DIS3L2: variants seen among roughly 807,000 people sequenced by gnomAD.
DIS3L2 encodes DIS3 like 3'-5' exoribonuclease 2.
In DIS3L2, 34 loss-of-function variants were observed where a neutral mutation model predicts 97.5. The ratio of observed to expected loss-of-function variants is 0.35; its 90% confidence interval spans 0.27 to 0.46. DIS3L2 has a LOEUF of 0.46. Ranked by LOEUF, DIS3L2 falls within the 20% of genes least tolerant of loss-of-function variation. DIS3L2 has a pLI of 1.00. For synonymous variants in DIS3L2, 435 were observed against 445.2 expected (o/e 0.98, Z 0.29); for missense variants, 1,038 against 1,146.0 (o/e 0.91, Z 1.36).
intron 14 of DIS3L2, 66 bp from the exon 15 acceptor site, chr2:232,329,747 G>A (rs948705191): frequency 2.6e-5 from 37 of 1,398,010 alleles, no homozygotes; most frequent in Admixed American, 1.2e-4. Flanking sequence ...CGGCTGCAGC[G>A]TGGGAAAGCC....
chr2:232,339,573 C>A (rs560014016), downstream of DIS3L2: 4 of 382,306 alleles, frequency 1.0e-5, no homozygotes, highest in African/African-American at 8.3e-5. Flanking sequence ...CACATGCAGC[C>A]GAAGTGACAG....
chr2:232,030,007 G>T lies in DIS3L2; in HGVS notation c.293G>T (p.Gly98Val). 6.2e-7 allele frequency: 1 copy of T among 1,606,006 alleles called. No individual in the cohort carries two copies. The highest frequency in any genetic ancestry group is 2.3e-5 in the East Asian group (1 of 44,194). Residue 98 changes from glycine to valine, a missense_variant, in exon 5 of 21, where the codon GGG becomes GTG. By Grantham distance (109) the Gly-to-Val change is moderately radical. Around this residue, in one of 3 missense-constraint regions of DIS3L2, gnomAD observed 813 missense variants for 880.1 expected, o/e 0.92. Coordinates refer to ENST00000325385, the MANE Select transcript of DIS3L2 (RefSeq NM_152383.5). ...GGTGATCGAGACATTTTTATTGATGGGGTTGTTGCTCGTAATAGAGCCTTA... is the reference window on the plus strand; with the variant it reads ...GGTGATCGAGACATTTTTATTGATGTGGTTGTTGCTCGTAATAGAGCCTTA... Reference protein sequence around the residue: ...PDGDRDIFIDGVVARNRALNG... With the variant: ...PDGDRDIFIDVVVARNRALNG...
chr2:231,974,350 A>G (rs143500839), intron 1 of DIS3L2, among the ~76,000 whole-genome samples: 1 of 152,244 alleles, frequency 6.6e-6, no homozygotes, highest in East Asian at 1.9e-4. Flanking sequence ...TGGCTGGAAT[A>G]GCCTCAAGGT....
At chr2:232,312,890 A>C (rs1209066197) in intron 14 of DIS3L2, among the ~76,000 whole-genome samples, 1 of 152,244 alleles carries the variant, frequency 6.6e-6, no homozygotes, top group Non-Finnish European at 1.5e-5. Flanking sequence ...TTGCTAATAC[A>C]AGGAAACATG....
At chr2:232,305,021 A>G (rs1275284450) in intron 14 of DIS3L2, among the ~76,000 whole-genome samples, 1 of 152,112 alleles carries the variant, frequency 6.6e-6, no homozygotes, top group Non-Finnish European at 1.5e-5. Flanking sequence ...TCCTTGTAGC[A>G]GTTTACTATC....
At chr2:232,016,934 C>T (rs1260434448) in intron 3 of DIS3L2, among the ~76,000 whole-genome samples, 1 of 145,848 alleles carries the variant, frequency 6.9e-6, no homozygotes, top group African/African-American at 2.5e-5. Flanking sequence ...CCCTCCCTCC[C>T]TCCCTCCCTT....
chr2:232,334,171 A>T (rs909400710), intron 17 of DIS3L2, among the ~76,000 whole-genome samples, 184 bp downstream of exon 17: 1 of 152,164 alleles, frequency 6.6e-6, no homozygotes, highest in African/African-American at 2.4e-5. Flanking sequence ...CAGAAGCTGC[A>T]TGGAGCCCAC....
chr2:232,334,527 C>T (rs370456133), intron 18 of DIS3L2, 28 bp downstream of exon 18: 1 of 1,612,464 alleles, frequency 6.2e-7, no homozygotes, highest in Non-Finnish European at 8.5e-7. Context: ...GTGCCCCTCA[C>T]CTCCCTCTGG....
Position 232,296,528 on chromosome 2 carries a change from T to C in DIS3L2, c.1660-3512T>C, listed in dbSNP as rs529782399. On this transcript the variant is annotated intron_variant, in intron 13 of 20. Transcript: ENST00000325385. Reference sequence around the variant, plus strand: ...GTGGGAGGGACCCAGTGGGAAGTAATTGAATTATGGGGGTGGGCTTTCCCT... The same window carrying C: ...GTGGGAGGGACCCAGTGGGAAGTAACTGAATTATGGGGGTGGGCTTTCCCT... Among the ~76,000 whole-genome samples the C allele has an allele frequency of 2.5e-4, 38 of 152,284 alleles. 2 individuals are homozygous for C. In the Middle Eastern group the frequency reaches 0.027, roughly 109 times the overall value.
intron 5 of DIS3L2, among the ~76,000 whole-genome samples, chr2:232,079,975 G>A (rs1168314267): frequency 2.0e-5 from 3 of 152,176 alleles, no homozygotes; most frequent in Admixed American, 6.5e-5. Flanking sequence ...GAAAGCTGTT[G>A]GGAGAATGAC....
chr2:232,259,554 G>T (rs1478651446), intron 12 of DIS3L2, among the ~76,000 whole-genome samples: 1 of 152,134 alleles, frequency 6.6e-6, no homozygotes, highest in Admixed American at 6.5e-5. Context: ...CGTGGAACTT[G>T]CTGCTACGTT....
intron 20 of DIS3L2, 134 bp downstream of exon 20, chr2:232,336,008 C>G: frequency 6.6e-7 from 1 of 1,522,846 alleles, no homozygotes; most frequent in Non-Finnish European, 8.8e-7. Flanking sequence ...GGTTTTAGGG[C>G]CCTCCCAGCT....
In DIS3L2 at chr2:232,005,170, A is replaced by ATTTTT. The variant is rs55757645; in HGVS notation, c.-93-9648_-93-9644dup. 4.1e-3 allele frequency among the ~76,000 whole-genome samples: 521 copies of ATTTTT among 126,488 alleles called. 11 individuals are homozygous for ATTTTT. The highest frequency in any genetic ancestry group is 0.012 in the African/African-American group (407 of 33,944). The allele number at this position is 126,488 out of a possible 152,430, so 83.0% of individuals were successfully genotyped here. A position where few individuals can be genotyped will look rare whatever the true frequency, so the allele number is the denominator to read the frequency against. ...TGTTAAATTCCTTTGAAGAATCTTG[A>ATTTTT]TTTTTTTTTTTTTTTTTTTTTATTT... On this transcript the variant is annotated intron_variant, in intron 1 of 20. Transcript: ENST00000325385.
At chr2:232,059,566 G>A (rs946958119) in intron 5 of DIS3L2, among the ~76,000 whole-genome samples, 2 of 152,024 alleles carry the variant, frequency 1.3e-5, no homozygotes, top group African/African-American at 2.4e-5. Context: ...TGAGGTATGG[G>A]GTATGACTGA....
intron 5 of DIS3L2, among the ~76,000 whole-genome samples, chr2:232,042,153 A>G (rs551636308): frequency 1.2e-4 from 19 of 152,270 alleles, no homozygotes; most frequent in African/African-American, 4.3e-4. Flanking sequence ...TCTTGTTCTA[A>G]ATTAAACAAA....
intron 14 of DIS3L2, among the ~76,000 whole-genome samples, chr2:232,324,884 C>G (rs148031854): frequency 6.6e-6 from 1 of 152,186 alleles, no homozygotes; most frequent in Non-Finnish European, 1.5e-5. Flanking sequence ...TCCATGCAAG[C>G]CACTGAGGAG....
At chr2:232,210,003 A>G (rs1319160761) in intron 9 of DIS3L2, among the ~76,000 whole-genome samples, 1 of 152,194 alleles carries the variant, frequency 6.6e-6, no homozygotes, top group Admixed American at 6.5e-5. Context: ...AATTTACCAA[A>G]GTAACTTGCC....
At chr2:232,243,247 T>C (rs1290881012) in intron 11 of DIS3L2, among the ~76,000 whole-genome samples, 2 of 152,034 alleles carry the variant, frequency 1.3e-5, no homozygotes, top group East Asian at 1.9e-4. Context: ...AGGCAGAGGC[T>C]AGAAAAAGCA....
rs766372087 is a variant in DIS3L2, at chr2:232,050,444, A to ATT, written c.366+20379_366+20380dup. 1.4e-3 allele frequency among the ~76,000 whole-genome samples: 185 copies of ATT among 136,498 alleles called. 1 individual carries two copies. Among genetic ancestry groups the ATT allele is most frequent in the African/African-American group, 4.6e-3 (172 of 37,142 alleles). The allele number at this position is 136,498 out of a possible 152,430, so 89.5% of individuals were successfully genotyped here. A position where few individuals can be genotyped will look rare whatever the true frequency, so the allele number is the denominator to read the frequency against. On this transcript the variant is annotated intron_variant, in intron 5 of 20. Coordinates refer to ENST00000325385, the MANE Select transcript of DIS3L2 (RefSeq NM_152383.5). ...ACCACCATGCCCAGCTAATCTTTGT[A>ATT]TTTTTTTTTTTTTTTTAGTAGACAG...
Sources: allele counts gnomAD v4.1 joint callset (sites outside exome capture counted in the v4.1 genomes callset), GRCh38; gene constraint gnomAD v4.1.1; regional missense constraint gnomAD v4.1.1; transcripts MANE v1.5; gene names NCBI Gene and HGNC (gene_info 2026-07-23, HGNC 2026-07-21).